NACA: variants seen among roughly 807,000 people sequenced by gnomAD.
NACA encodes nascent polypeptide-associated complex subunit alpha.
NACA carries 42 observed loss-of-function variants against 86.4 expected under a neutral mutation model. That is an observed-to-expected ratio of 0.49 (90% CI 0.38 to 0.63). The LOEUF (loss-of-function observed/expected upper bound fraction) is 0.63. Among genes scored for constraint, NACA ranks in the 20% least tolerant of loss-of-function variants. The probability of loss-of-function intolerance (pLI) is 0.00; values close to 1 mark genes in which losing one functional copy is unlikely to be tolerated. For synonymous variants in NACA, 898 were observed against 973.7 expected (o/e 0.92, Z 1.45); for missense variants, 2,157 against 2,483.6 (o/e 0.87, Z 2.80).
chr12:56,718,777 GGGGA>G lies in NACA; in HGVS notation c.2749_2752del (p.Ser917ProfsTer97). 6.9e-7 allele frequency: 1 copy of G among 1,446,082 alleles called. No individual in the cohort carries two copies. Among genetic ancestry groups the G allele is most frequent in the Non-Finnish European group, 9.3e-7 (1 of 1,071,052 alleles). 89.6% of individuals were successfully genotyped at this position (1,446,082 alleles called of 1,614,324 possible). On this transcript the variant is annotated frameshift_variant, in exon 3 of 9. Coordinates refer to ENST00000454682, the MANE Select transcript of NACA (RefSeq NM_001365896.1). LOFTEE classifies it high-confidence loss of function. ...GGCTGGAGTTGCTCGGGCCTTTTTG[GGGGA>G]GGAAGAAGTCATGGATAGAGCAGGA...
In NACA at chr12:56,716,117, A is replaced by T. The variant is rs766811694; in HGVS notation, c.5413T>A (p.Ser1805Thr). Residue 1805 changes from serine to threonine, a missense_variant, in exon 3 of 9, where the codon TCC (serine) becomes ACC (threonine). Physicochemically the swap from Ser to Thr is moderately conservative, Grantham distance 58. Around this residue, in one of 8 missense-constraint regions of NACA, gnomAD observed 797 missense variants for 777.6 expected, o/e 1.02. Coordinates refer to ENST00000454682, the MANE Select transcript of NACA (RefSeq NM_001365896.1). Reference protein sequence around the residue: ...SPPVSLPLAPSPVPTLPPKQQ... With the variant: ...SPPVSLPLAPTPVPTLPPKQQ... ...TTAGGAGGCAGAGTGGGAACTGGGG[A>T]GGGAGCAAGAGGCAGAGAGACTGGT... 1 of 1,613,250 alleles carries T rather than the reference A, an allele frequency of 6.2e-7. No individual in the cohort carries two copies. Among genetic ancestry groups the T allele is most frequent in the Admixed American group, 1.7e-5 (1 of 59,924 alleles).
At position 56,720,728 on chromosome 12, in the gene NACA, C is replaced by T. The variant is rs1218527686; in HGVS notation, c.802G>A (p.Gly268Arg). ...PQNPGSLSLKGPVSPPAALSL... is the reference protein window; with the variant it reads ...PQNPGSLSLKRPVSPPAALSL... The stretch of plus-strand genomic sequence containing the variant: ...AAGGCAGCAGGTGGACTAACAGGCC[C>T]CTTCAGGCTGAGGCTTCCTGGGTTT... Residue 268 changes from glycine to arginine, a missense_variant, in exon 3 of 9, where the codon GGG (glycine) becomes AGG (arginine). Gly to Arg is a moderately radical substitution (Grantham distance 125). Transcript: ENST00000454682. 6.2e-7 allele frequency: 1 copy of T among 1,613,770 alleles called. No individual in the cohort carries two copies. Among genetic ancestry groups the T allele is most frequent in the Non-Finnish European group, 8.5e-7 (1 of 1,179,884 alleles).
chr12:56,714,053 G>A (rs1035064617), intron 5 of NACA: 1 of 387,272 alleles, frequency 2.6e-6, no homozygotes, highest in Admixed American at 4.2e-5. Flanking sequence ...CGCCATGTTG[G>A]CCAGGCTGGT....
In NACA at chr12:56,720,715, G is replaced by A; in HGVS notation, c.815C>T (p.Pro272Leu). The change falls in exon 3 of 9, where the codon CCA becomes CTA. Residue 272 changes from proline to leucine, a missense_variant. Physicochemically the swap from Pro to Leu is moderately conservative, Grantham distance 98. This residue lies in a region of NACA where 947 missense variants were observed against 917.9 expected (regional missense o/e 1.03). Transcript: ENST00000454682. Reference protein sequence around the residue: ...GSLSLKGPVSPPAALSLSTQS... With the variant: ...GSLSLKGPVSLPAALSLSTQS... The stretch of plus-strand genomic sequence containing the variant: ...AGTTGAAAGAGATAAGGCAGCAGGT[G>A]GACTAACAGGCCCCTTCAGGCTGAG... 6.2e-7 allele frequency: 1 copy of A among 1,613,906 alleles called. No homozygotes were observed. The highest frequency in any genetic ancestry group is 8.5e-7 in the Non-Finnish European group (1 of 1,179,884).
intron 3 of NACA, 68 bp downstream of exon 3, chr12:56,715,803 G>A (rs1953338167): frequency 7.3e-7 from 1 of 1,370,114 alleles, no homozygotes; most frequent in African/African-American, 1.4e-5. Flanking sequence ...GGTTAGTATT[G>A]GTGGGTAGCG....
rs747452504 is a variant in NACA, at chr12:56,721,096, T to C, written c.434A>G (p.His145Arg). The C allele has an allele frequency of 6.2e-7, 1 of 1,613,594 alleles. No homozygotes were observed. The highest frequency in any genetic ancestry group is 8.5e-7 in the Non-Finnish European group (1 of 1,179,786). ...AAAAGCAGAACTCTTCTGAACTGAG[T>C]GGGGAGCCAGGGCAACCAGAGCTAA... ...APLALVALAPHSVQKSSAFPP... is the reference protein window; with the variant it reads ...APLALVALAPRSVQKSSAFPP... Residue 145 changes from histidine to arginine, a missense_variant, in exon 3 of 9, where the codon CAC becomes CGC. This residue lies in a region of NACA where 947 missense variants were observed against 917.9 expected (regional missense o/e 1.03). Coordinates refer to ENST00000454682, the MANE Select transcript of NACA (RefSeq NM_001365896.1).
chr12:56,714,613 G>T lies in NACA; in HGVS notation c.5734C>A (p.Gln1912Lys). ...AAGAGAATACCCACCTGGGCTTGTT[G>T]TGTGGTTGCCTGGGTGGAATCCTGT... ...EEQDSTQATT[Q>K]QAQLAAAAEI... is the part of the protein sequence containing the mutation. Residue 1912 changes from glutamine (Q) to lysine (K), a missense_variant, in exon 4 of 9, where the codon CAA (glutamine) becomes AAA (lysine). Transcript: ENST00000454682. The T allele has an allele frequency of 6.2e-7, 1 of 1,614,134 alleles. No homozygotes were observed.
chr12:56,717,598 G>C lies in NACA; in HGVS notation c.3932C>G (p.Thr1311Ser). The change falls in exon 3 of 9, where the codon ACT (threonine) becomes AGT (serine). Residue 1311 changes from threonine (T) to serine (S), a missense_variant. By Grantham distance (58) the Thr-to-Ser change is moderately conservative. Transcript: ENST00000454682. ...GGAGGGAGGAGTTGCAGCTGGAGGA[G>C]TGGGGGCCCCTTTGGGGGGTGAGGT... Reference protein sequence around the residue: ...PATSPPKGAPTPPAATPPSPK... With the variant: ...PATSPPKGAPSPPAATPPSPK... The C allele has an allele frequency of 5.5e-6, 7 of 1,269,366 alleles. No individual in the cohort carries two copies. The highest frequency in any genetic ancestry group is 7.1e-6 in the Non-Finnish European group (7 of 986,084). The allele number at this position is 1,269,366 out of a possible 1,614,324, so 78.6% of individuals were successfully genotyped here.
At position 56,719,800 on chromosome 12, in the gene NACA, G is replaced by A. The variant is rs769278401; in HGVS notation, c.1730C>T (p.Ser577Phe). 3.3e-5 allele frequency: 54 copies of A among 1,613,830 alleles called. No homozygotes were observed. Among genetic ancestry groups the A allele is most frequent in the Non-Finnish European group, 4.6e-5 (54 of 1,179,866 alleles). ...PKNSPSFQST[S>F]SSPEIPLSPE... ...AGAAAGAGGTATCTCTGGAGAAGAG[G>A]ATGTACTTTGGAAAGAAGGGGAATT... The change falls in exon 3 of 9, where the codon TCC becomes TTC. Residue 577 changes from serine to phenylalanine, a missense_variant. By Grantham distance (155) the Ser-to-Phe change is radical. Transcript: ENST00000454682.
chr12:56,716,249 G>A lies in NACA; in HGVS notation c.5281C>T (p.Pro1761Ser), dbSNP rs1261528416. 1.9e-6 allele frequency: 3 copies of A among 1,613,756 alleles called. No homozygotes were observed. Among genetic ancestry groups the A allele is most frequent in the Non-Finnish European group, 2.5e-6 (3 of 1,179,872 alleles). ...GKDASHSPKG[P>S]LAPPESKAST... ...GCCTTAGACTCAGGAGGAGCCAAGGGGCCCTTTGGGGAATGAGAAGCATCT... is the reference window on the plus strand; with the variant it reads ...GCCTTAGACTCAGGAGGAGCCAAGGAGCCCTTTGGGGAATGAGAAGCATCT... The change falls in exon 3 of 9, where the codon CCC becomes TCC. Residue 1761 changes from proline (P) to serine (S), a missense_variant. Pro to Ser is a moderately conservative substitution (Grantham distance 74, BLOSUM62 -1). Transcript: ENST00000454682.
chr12:56,712,701 T>C, intron 8 of NACA, 85 bp downstream of exon 8: 1 of 1,605,408 alleles, frequency 6.2e-7, no homozygotes, highest in Non-Finnish European at 8.5e-7. Context: ...GTTCCTTAAT[T>C]GGCTGATATT....
At chr12:56,723,864 G>C (rs558496964) in intron 2 of NACA, among the ~76,000 whole-genome samples, 1 of 152,010 alleles carries the variant, frequency 6.6e-6, no homozygotes, top group Admixed American at 6.6e-5. Flanking sequence ...GAGGATAAAA[G>C]GATTTATTTC....
At chr12:56,722,660 C>T (rs1476120990) in intron 2 of NACA, among the ~76,000 whole-genome samples, 1 of 151,782 alleles carries the variant, frequency 6.6e-6, no homozygotes, top group Non-Finnish European at 1.5e-5. Flanking sequence ...TGCATGCACT[C>T]CAGCCTGGGT....
At chr12:56,722,746 C>G (rs1449950103) in intron 2 of NACA, among the ~76,000 whole-genome samples, 1 of 152,054 alleles carries the variant, frequency 6.6e-6, no homozygotes, top group African/African-American at 2.4e-5. Flanking sequence ...ACTGGATCCC[C>G]ACTCCTTAAC....
At chr12:56,715,715 C>T (rs1050708235) in intron 3 of NACA, among the ~76,000 whole-genome samples, 156 bp downstream of exon 3, 2 of 152,090 alleles carry the variant, frequency 1.3e-5, no homozygotes, top group African/African-American at 2.4e-5. Context: ...ATTCCTAGAA[C>T]TTTTGCATTT....
chr12:56,720,493 G>C lies in NACA; in HGVS notation c.1037C>G (p.Thr346Arg). 1 of 1,613,816 alleles carries C rather than the reference G, an allele frequency of 6.2e-7. No individual in the cohort carries two copies. Among genetic ancestry groups the C allele is most frequent in the Non-Finnish European group, 8.5e-7 (1 of 1,179,758 alleles). ...TCTCTGAGAAGGATAAGAGGCCCCT[G>C]TGGAAGAATGATCTACAGAAATGGT... ...VKTISVDHSS[T>R]GASYPSQRSV... Residue 346 changes from threonine to arginine, a missense_variant, in exon 3 of 9, where the codon ACA (threonine) becomes AGA (arginine). Thr to Arg is a moderately conservative substitution (Grantham distance 71). Coordinates refer to ENST00000454682, the MANE Select transcript of NACA (RefSeq NM_001365896.1).
chr12:56,719,233 G>A lies in NACA; in HGVS notation c.2297C>T (p.Ser766Phe). 1 of 1,515,150 alleles carries A rather than the reference G, an allele frequency of 6.6e-7. No homozygotes were observed. Among genetic ancestry groups the A allele is most frequent in the South Asian group, 1.1e-5 (1 of 89,210 alleles). The allele number at this position is 1,515,150 out of a possible 1,614,324, so 93.9% of individuals were successfully genotyped here. Residue 766 changes from serine (S) to phenylalanine (F), a missense_variant, in exon 3 of 9, where the codon TCT (serine) becomes TTT (phenylalanine). By Grantham distance (155) the Ser-to-Phe change is radical. Around this residue, in one of 8 missense-constraint regions of NACA, gnomAD observed 947 missense variants for 917.9 expected, o/e 1.03. Transcript: ENST00000454682. The part of the protein sequence containing the change: ...HTSALAPVAS[S>F]PKECPTEDSG... Reference sequence around the variant, plus strand: ...GTCCTCAGTTGGGCACTCTTTGGGAGAGGAAGCAACAGGTGCCAATGCTGA... The same window carrying A: ...GTCCTCAGTTGGGCACTCTTTGGGAAAGGAAGCAACAGGTGCCAATGCTGA...
Position 56,712,490 on chromosome 12 carries a change from A to C in NACA, c.*48T>G. ...TAGAAACAGTACAAATTTCAAACCA[A>C]GCTGCAGTTACTCCTTTGAGACACC... is the stretch of plus-strand genomic sequence containing the variant. On this transcript the variant is annotated 3_prime_UTR_variant, in exon 9 of 9. Transcript: ENST00000454682. 6.3e-7 allele frequency: 1 copy of C among 1,576,970 alleles called. No individual in the cohort carries two copies. Among genetic ancestry groups the C allele is most frequent in the Non-Finnish European group, 8.7e-7 (1 of 1,149,876 alleles).
rs1004375836 is a variant in NACA, at chr12:56,724,576, G to A, written c.-2-53C>T. 1.9e-6 allele frequency: 3 copies of A among 1,545,034 alleles called. No individual in the cohort carries two copies. In the East Asian group the frequency reaches 7.0e-5, roughly 36 times the overall value. ...TAAATTGATTGGGATACATTCACTTGCCCAACCCGGAGATAAGTATTCTTA... is the reference window on the plus strand; with the variant it reads ...TAAATTGATTGGGATACATTCACTTACCCAACCCGGAGATAAGTATTCTTA... On this transcript the variant is annotated intron_variant, in intron 1 of 8. Transcript: ENST00000454682.
Sources: gnomAD v4.1 joint callset for allele counts (sites outside exome capture counted in the v4.1 genomes callset) on GRCh38, gnomAD v4.1.1 for gene constraint, gnomAD v4.1.1 regional missense constraint, MANE v1.5 for transcripts, NCBI Gene and HGNC (gene_info 2026-07-23, HGNC 2026-07-21) for gene names.